VEPH1: variants seen among roughly 807,000 people sequenced by gnomAD.
The protein encoded by VEPH1 is ventricular zone expressed PH domain containing 1.
VEPH1 carries 80 observed loss-of-function variants against 85.2 expected under a neutral mutation model. The ratio of observed to expected loss-of-function variants is 0.94; its 90% confidence interval spans 0.78 to 1.13. VEPH1 has a LOEUF of 1.13. Among genes scored for constraint, VEPH1 ranks in the 50% most tolerant of loss-of-function variants. VEPH1 has a pLI of 0.00. For synonymous variants in VEPH1, 297 were observed against 348.0 expected (o/e 0.85, Z 1.63); for missense variants, 955 against 980.5 (o/e 0.97, Z 0.35).
chr3:157,378,387 T>C (rs1728395661), intron 7 of VEPH1, among the ~76,000 whole-genome samples: 1 of 145,462 alleles, frequency 6.9e-6, no homozygotes, highest in Non-Finnish European at 1.5e-5. Context: ...GGGAGGTTTT[T>C]GTTTCCTTGG....
At chr3:157,272,001 T>C (rs1445991395) in intron 12 of VEPH1, among the ~76,000 whole-genome samples, 1 of 152,230 alleles carries the variant, frequency 6.6e-6, no homozygotes, top group East Asian at 1.9e-4. Context: ...TTAACCATGT[T>C]GATGCAGTCG....
chr3:157,486,626 T>G (rs761001197), intron 2 of VEPH1, among the ~76,000 whole-genome samples: 1 of 152,194 alleles, frequency 6.6e-6, no homozygotes, highest in Admixed American at 6.5e-5. Context: ...CTATGTCTGT[T>G]TCCTCATCTA....
chr3:157,309,335 C>T (rs968365210), intron 11 of VEPH1, among the ~76,000 whole-genome samples: 9 of 152,238 alleles, frequency 5.9e-5, no homozygotes, highest in African/African-American at 1.9e-4. Flanking sequence ...TGTTATCAGA[C>T]AAATATTTAT....
chr3:157,431,004 C>T (rs1044491176), intron 4 of VEPH1, among the ~76,000 whole-genome samples: 4 of 152,116 alleles, frequency 2.6e-5, no homozygotes, highest in Non-Finnish European at 2.9e-5. Context: ...GCTTTGGCTC[C>T]GTGTCCCCAC....
chr3:157,373,757 T>C (rs1727772479), intron 7 of VEPH1, among the ~76,000 whole-genome samples: 1 of 152,238 alleles, frequency 6.6e-6, no homozygotes, highest in Admixed American at 6.5e-5. Flanking sequence ...CATGGGTGCC[T>C]CATGAAAAGC....
intron 4 of VEPH1, chr3:157,442,332 C>A: frequency 6.7e-7 from 1 of 1,483,256 alleles, no homozygotes; most frequent in Non-Finnish European, 9.2e-7. Flanking sequence ...TTTATATTTT[C>A]TTTAATATTC....
At chr3:157,420,862 C>T (rs1732282324) in intron 5 of VEPH1, among the ~76,000 whole-genome samples, 1 of 152,120 alleles carries the variant, frequency 6.6e-6, no homozygotes, top group African/African-American at 2.4e-5. Flanking sequence ...AGTTAATGTC[C>T]CAGGGATAAC....
chr3:157,428,273 G>C, intron 5 of VEPH1, 49 bp downstream of exon 5: 1 of 1,597,492 alleles, frequency 6.3e-7, no homozygotes, highest in Non-Finnish European at 8.6e-7. Context: ...CACACACAAA[G>C]AAACATGCCT....
chr3:157,447,983 A>T (rs1471329801), intron 4 of VEPH1, among the ~76,000 whole-genome samples: 1 of 152,152 alleles, frequency 6.6e-6, no homozygotes, highest in African/African-American at 2.4e-5. Flanking sequence ...GATGATGATG[A>T]TGATGATGAT....
chr3:157,416,367 T>TA (rs67974526), intron 5 of VEPH1, among the ~76,000 whole-genome samples: 31,776 of 151,992 alleles, frequency 0.21, 4,249 homozygotes, highest in South Asian at 0.51. Context: ...TTGGAGGAAA[T>TA]AAAGGGCTAG....
intron 4 of VEPH1, 59 bp downstream of exon 4, chr3:157,460,122 T>C (rs777512828): frequency 6.2e-7 from 1 of 1,613,984 alleles, no homozygotes. Flanking sequence ...AAATGCTTGA[T>C]GAAAATACTT....
intron 1 of VEPH1, 88 bp from the exon 2 acceptor site, chr3:157,495,594 G>A (rs1345616383): frequency 9.2e-6 from 7 of 758,502 alleles, no homozygotes; most frequent in African/African-American, 3.6e-5. Context: ...GAGAGAGAGA[G>A]AAAAAAGAAA....
chr3:157,461,940 T>C (rs1412650230), intron 3 of VEPH1, among the ~76,000 whole-genome samples: 1 of 151,688 alleles, frequency 6.6e-6, no homozygotes, highest in Non-Finnish European at 1.5e-5. Context: ...GAACTTCTAG[T>C]CATCAAGAGA....
At position 157,442,630 on chromosome 3, in the gene VEPH1, G is replaced by C. The variant is rs772385247; in HGVS notation, c.530-14142C>G. 80 of 1,614,212 alleles carry C rather than the reference G, an allele frequency of 5.0e-5. No homozygotes were observed. The highest frequency in any genetic ancestry group is 6.7e-5 in the Non-Finnish European group (79 of 1,180,042). ...GCTGAAGCCATGGTTTCCCTGGGAA[G>C]GTGGACCCACCTGTGCGGCACCTGG... On this transcript the variant is annotated intron_variant, in intron 4 of 13. Transcript: ENST00000362010.
chr3:157,308,753 G>A (rs1002687786), intron 11 of VEPH1, among the ~76,000 whole-genome samples: 10 of 152,054 alleles, frequency 6.6e-5, no homozygotes, highest in Admixed American at 2.6e-4. Context: ...AATCAGGAAC[G>A]TGGTAATATC....
At chr3:157,344,699 A>C (rs1269797259) in intron 9 of VEPH1, among the ~76,000 whole-genome samples, 1 of 152,212 alleles carries the variant, frequency 6.6e-6, no homozygotes, top group Non-Finnish European at 1.5e-5. Flanking sequence ...TGGAACCAAA[A>C]AAGAGCCCGC....
chr3:157,448,122 A>T (rs1734690431), intron 4 of VEPH1, among the ~76,000 whole-genome samples: 1 of 152,104 alleles, frequency 6.6e-6, no homozygotes, highest in Non-Finnish European at 1.5e-5. Flanking sequence ...GGGGGGGGAC[A>T]ATTTTCTATC....
chr3:157,402,987 C>G (rs1301181761), intron 6 of VEPH1, among the ~76,000 whole-genome samples: 1 of 152,128 alleles, frequency 6.6e-6, no homozygotes, highest in Non-Finnish European at 1.5e-5. Context: ...TACCAAGTTC[C>G]TAAGCCCTAC....
intron 11 of VEPH1, among the ~76,000 whole-genome samples, chr3:157,304,017 T>C (rs891530335): frequency 6.1e-5 from 3 of 49,052 alleles, no homozygotes; most frequent in South Asian, 9.0e-4. Context: ...TCTCATCTTA[T>C]ATTTTTTATA....
Sources: gnomAD v4.1 joint callset for allele counts (sites outside exome capture counted in the v4.1 genomes callset) on GRCh38, gnomAD v4.1.1 for gene constraint, MANE v1.5 for transcripts, NCBI Gene and HGNC (gene_info 2026-07-23, HGNC 2026-07-21) for gene names.